Variants in KCNG2 observed in about 807,000 individuals in gnomAD.
The protein encoded by KCNG2 is voltage-gated potassium channel regulatory subunit KCNG2.
A neutral mutation model predicts 12.3 loss-of-function variants in KCNG2; 7 were observed. That is an observed-to-expected ratio of 0.57 (90% CI 0.32 to 1.07). KCNG2 has a LOEUF of 1.07. Among genes scored for constraint, KCNG2 ranks in the 50% least tolerant of loss-of-function variants. The pLI, the probability that KCNG2 is intolerant of heterozygous loss-of-function variation, is 0.04. For synonymous variants in KCNG2, 414 were observed against 351.4 expected (o/e 1.18, Z -1.99); for missense variants, 703 against 726.0 (o/e 0.97, Z 0.36).
At chr18:79,858,701 C>T (rs906973131) in intron 2 of KCNG2, among the ~76,000 whole-genome samples, 9 of 151,990 alleles carry the variant, frequency 5.9e-5, no homozygotes, top group African/African-American at 1.9e-4. Flanking sequence ...TACAGGGGTC[C>T]AATTTTTCCA....
chr18:79,828,965 G>T (rs1166299305), intron 1 of KCNG2, among the ~76,000 whole-genome samples: 1 of 127,514 alleles, frequency 7.8e-6, no homozygotes, highest in Non-Finnish European at 1.6e-5. Flanking sequence ...GCATGTGTCT[G>T]TATGTGGGTG....
At chr18:79,812,355 T>C (rs1337164942) in intron 1 of KCNG2, among the ~76,000 whole-genome samples, 1 of 152,190 alleles carries the variant, frequency 6.6e-6, no homozygotes, top group Non-Finnish European at 1.5e-5. Context: ...ATTAATAATA[T>C]GTTACAAAAT....
At chr18:79,833,899 G>A (rs192117820) in intron 1 of KCNG2, among the ~76,000 whole-genome samples, 1 of 152,218 alleles carries the variant, frequency 6.6e-6, no homozygotes, top group Non-Finnish European at 1.5e-5. Context: ...AAGGCCAAGG[G>A]TGGCGATCCT....
chr18:79,835,688 C>T (rs970416919), intron 1 of KCNG2, among the ~76,000 whole-genome samples: 2 of 152,034 alleles, frequency 1.3e-5, no homozygotes, highest in African/African-American at 4.8e-5. Context: ...CTGAATTGCT[C>T]GATGGTGGGA....
intron 2 of KCNG2, among the ~76,000 whole-genome samples, chr18:79,862,383 G>A (rs960312228): frequency 3.8e-4 from 58 of 152,316 alleles, no homozygotes; most frequent in African/African-American, 1.3e-3. Context: ...CAAGTGGTGG[G>A]ACATATAGAT....
chr18:79,855,051 A>C (rs1313786616), intron 1 of KCNG2, among the ~76,000 whole-genome samples: 35 of 149,504 alleles, frequency 2.3e-4, no homozygotes, highest in Admixed American at 2.3e-3. Flanking sequence ...TGTTTGTTTT[A>C]TTTTTTGTAA....
At chr18:79,836,102 G>A (rs1445159121) in intron 1 of KCNG2, among the ~76,000 whole-genome samples, 1 of 152,192 alleles carries the variant, frequency 6.6e-6, no homozygotes, top group African/African-American at 2.4e-5. Context: ...GGGTTTAAAA[G>A]CATGACCCAA....
chr18:79,857,669 T>C (rs1053052624), intron 2 of KCNG2, among the ~76,000 whole-genome samples: 1 of 151,944 alleles, frequency 6.6e-6, no homozygotes, highest in African/African-American at 2.4e-5. Context: ...GGGCTTGACG[T>C]TGGCGGTGGA....
intron 1 of KCNG2, among the ~76,000 whole-genome samples, chr18:79,801,483 C>A (rs903784902): frequency 1.2e-4 from 19 of 152,240 alleles, no homozygotes; most frequent in African/African-American, 4.3e-4. Flanking sequence ...TCACCCAGGC[C>A]CGGCAAGGAG....
At chr18:79,810,315 A>G (rs2087485023) in intron 1 of KCNG2, among the ~76,000 whole-genome samples, 1 of 151,908 alleles carries the variant, frequency 6.6e-6, no homozygotes, top group Non-Finnish European at 1.5e-5. Context: ...ATTTCTGATC[A>G]GTGGGGAGGG....
rs943199044 is a variant in KCNG2, at chr18:79,822,341, C to G, written c.-115+24327C>G. Among the ~76,000 whole-genome samples, 2 of 152,212 alleles carry G rather than the reference C, an allele frequency of 1.3e-5. No homozygotes were observed. Among genetic ancestry groups the G allele is most frequent in the African/African-American group, 4.8e-5 (2 of 41,452 alleles). The stretch of plus-strand genomic sequence containing the variant: ...CACCGCGTTCTTCATACTAGAGCCA[C>G]GGTTCTGTCCAGGGCCCCTCACCAT... On this transcript the variant is annotated intron_variant, in intron 1 of 3. Coordinates refer to ENST00000316249, the MANE Select transcript of KCNG2 (RefSeq NM_012283.2). The surrounding 1 kb of genome is among the most constrained non-coding windows in gnomAD (Gnocchi z 4.4).
Position 79,803,640 on chromosome 18 carries a change from T to A in KCNG2, c.-115+5626T>A, listed in dbSNP as rs528404261. Among the ~76,000 whole-genome samples, 5 of 152,302 alleles carry A rather than the reference T, an allele frequency of 3.3e-5. No homozygotes were observed. The highest frequency in any genetic ancestry group is 1.2e-4 in the African/African-American group (5 of 41,568). ...TGGCCGTGATTCTCACCACTTGTGGTCCAAGGCTTCTGCTGGGCTGACGGA... is the reference window on the plus strand; with the variant it reads ...TGGCCGTGATTCTCACCACTTGTGGACCAAGGCTTCTGCTGGGCTGACGGA... On this transcript the variant is annotated intron_variant, in intron 1 of 3. Coordinates refer to ENST00000316249, the MANE Select transcript of KCNG2 (RefSeq NM_012283.2). The surrounding 1 kb of genome is among the most constrained non-coding windows in gnomAD (Gnocchi z 4.5).
In KCNG2 at chr18:79,883,741, C is replaced by T. The variant is rs538256760; in HGVS notation, c.625-15299C>T. On this transcript the variant is annotated intron_variant, in intron 3 of 3. Coordinates refer to ENST00000316249, the MANE Select transcript of KCNG2 (RefSeq NM_012283.2). ...AGGATGTGCTTATATGTCTTAGAAG[C>T]CAGCTGTTCCACTTCCAGGTACCCT... Among the ~76,000 whole-genome samples the T allele has an allele frequency of 5.3e-5, 8 of 152,368 alleles. No homozygotes were observed. In the South Asian group the frequency reaches 1.7e-3, roughly 32 times the overall value.
rs115367026 is a variant in KCNG2, at chr18:79,825,648, A to G, written c.-115+27634A>G. ...GCAAGCTTCAGGAGATGAAGTGTCA[A>G]TAAGGATTAATACGAAGGTAGATCA... On this transcript the variant is annotated intron_variant, in intron 1 of 3. Coordinates refer to ENST00000316249, the MANE Select transcript of KCNG2 (RefSeq NM_012283.2). Among the ~76,000 whole-genome samples, 279 of 152,334 alleles carry G rather than the reference A, an allele frequency of 1.8e-3. 1 individual carries two copies. The highest frequency in any genetic ancestry group is 6.5e-3 in the African/African-American group (269 of 41,576).
chr18:79,890,637 G>C (rs62103240), intron 3 of KCNG2, among the ~76,000 whole-genome samples: 11 of 152,294 alleles, frequency 7.2e-5, no homozygotes, highest in African/African-American at 2.6e-4. Flanking sequence ...ACAAGACATC[G>C]TTCTTTCTGT....
At chr18:79,816,602 G>A (rs1429474168) in intron 1 of KCNG2, 3 of 152,258 alleles carry the variant, frequency 2.0e-5, no homozygotes, top group African/African-American at 7.2e-5. Flanking sequence ...AATGGATAAT[G>A]GGCCCATTTC....
At chr18:79,860,704 C>T (rs978422471) in intron 2 of KCNG2, among the ~76,000 whole-genome samples, 7 of 151,684 alleles carry the variant, frequency 4.6e-5, no homozygotes, top group Non-Finnish European at 8.8e-5. Context: ...TGTATGTGTG[C>T]GTGTGTGTTC....
At chr18:79,889,536 C>T (rs753905119) in intron 3 of KCNG2, among the ~76,000 whole-genome samples, 1 of 152,208 alleles carries the variant, frequency 6.6e-6, no homozygotes, top group Non-Finnish European at 1.5e-5. Context: ...AAGGGAATTA[C>T]ATTAATTGTT....
chr18:79,805,994 G>A (rs1462163083), intron 1 of KCNG2, among the ~76,000 whole-genome samples: 1 of 151,964 alleles, frequency 6.6e-6, no homozygotes, highest in Non-Finnish European at 1.5e-5. Context: ...CCAGGCCCGA[G>A]CTTGCATCTG....
Sources: gnomAD v4.1 joint callset for allele counts (sites outside exome capture counted in the v4.1 genomes callset) on GRCh38, gnomAD v4.1.1 for gene constraint, Gnocchi (gnomAD v3.1) non-coding constraint, MANE v1.5 for transcripts, NCBI Gene and HGNC (gene_info 2026-07-23, HGNC 2026-07-21) for gene names.